SLIT2: variants seen among roughly 807,000 people sequenced by gnomAD.
SLIT2 encodes the protein slit homolog 2 protein.
In SLIT2, 41 loss-of-function variants were observed where a neutral mutation model predicts 185.7. That is an observed-to-expected ratio of 0.22 (90% CI 0.17 to 0.29). SLIT2 has a LOEUF of 0.29. Ranked by LOEUF, SLIT2 falls within the 10% of genes least tolerant of loss-of-function variation. SLIT2 has a pLI of 1.00. For synonymous variants in SLIT2, 693 were observed against 680.2 expected (o/e 1.02, Z -0.29); for missense variants, 1,571 against 1,909.0 (o/e 0.82, Z 3.30).
intron 4 of SLIT2, among the ~76,000 whole-genome samples, chr4:20,291,492 ATTTTTTTTTTTTTTTTTTT>A (rs1157453738): frequency 0.02 from 358 of 18,048 alleles, 2 homozygotes; most frequent in Middle Eastern, 0.071. Flanking sequence ...ATATATATAT[ATTTTTTTTTTTTTTTTTTT>A]TTTTTTTTTT....
intron 4 of SLIT2, among the ~76,000 whole-genome samples, chr4:20,375,607 C>A (rs898296059): frequency 6.6e-6 from 1 of 152,012 alleles, no homozygotes; most frequent in Admixed American, 6.6e-5. Context: ...TTTAATCAGT[C>A]TTGACCTTCA....
chr4:20,457,145 G>A (rs1167013755), intron 4 of SLIT2, among the ~76,000 whole-genome samples: 2 of 151,876 alleles, frequency 1.3e-5, no homozygotes, highest in Non-Finnish European at 2.9e-5. Flanking sequence ...TCATTGATGG[G>A]CATTTTAATT....
At chr4:20,539,107 T>G (rs976936539) in intron 18 of SLIT2, among the ~76,000 whole-genome samples, 1 of 152,136 alleles carries the variant, frequency 6.6e-6, no homozygotes, top group African/African-American at 2.4e-5. Flanking sequence ...CTCCGAGGAC[T>G]CAGAGAGCTG....
chr4:20,381,613 T>C (rs879581006), intron 4 of SLIT2, among the ~76,000 whole-genome samples: 9 of 152,154 alleles, frequency 5.9e-5, no homozygotes, highest in Non-Finnish European at 1.2e-4. Context: ...CAAAAATAGA[T>C]AGCATGTAGT....
chr4:20,341,124 A>C (rs1001340017), intron 4 of SLIT2, among the ~76,000 whole-genome samples: 5 of 152,176 alleles, frequency 3.3e-5, no homozygotes, highest in Non-Finnish European at 5.9e-5. Flanking sequence ...TAGTACCCCA[A>C]ATGCTGAGGA....
At chr4:20,415,150 G>A (rs1444767624) in intron 4 of SLIT2, among the ~76,000 whole-genome samples, 1 of 152,112 alleles carries the variant, frequency 6.6e-6, no homozygotes, top group Non-Finnish European at 1.5e-5. Context: ...GGTGGCCCGC[G>A]CCTGTAATCC....
intron 6 of SLIT2, 22 bp downstream of exon 6, chr4:20,480,809 G>T: frequency 6.3e-7 from 1 of 1,582,214 alleles, no homozygotes; most frequent in South Asian, 1.1e-5. Flanking sequence ...TATTTCTCTT[G>T]CTCTTTTAAC....
chr4:20,461,093 G>A (rs539212342), intron 4 of SLIT2, among the ~76,000 whole-genome samples: 5 of 152,298 alleles, frequency 3.3e-5, no homozygotes, highest in African/African-American at 1.2e-4. Flanking sequence ...TAGTTGATAG[G>A]TTATGGAGAT....
chr4:20,252,123 C>T lies in SLIT2; in HGVS notation c.-1693C>T, dbSNP rs530206803. ...CGGGAGTGCTGAGCAGAAAGGGGAG[C>T]GCCGGGGGCCCGCAGCCGGCTCCGG... On this transcript the variant is annotated 5_prime_UTR_variant, in exon 1 of 37. Coordinates refer to ENST00000504154, the MANE Select transcript of SLIT2 (RefSeq NM_004787.4). Among the ~76,000 whole-genome samples, 229 of 152,048 alleles carry T rather than the reference C, an allele frequency of 1.5e-3. 3 individuals carry two copies. Among genetic ancestry groups the T allele is most frequent in the African/African-American group, 5.3e-3 (219 of 41,436 alleles).
chr4:20,560,090 T>C (rs1274852564), intron 26 of SLIT2, among the ~76,000 whole-genome samples: 1 of 151,932 alleles, frequency 6.6e-6, no homozygotes, highest in Non-Finnish European at 1.5e-5. Context: ...TGTTTTATAA[T>C]TGAGGTTTAC....
At chr4:20,568,728 C>A (rs1474379590) in intron 28 of SLIT2, 137 bp from the exon 29 acceptor site, 3 of 723,900 alleles carry the variant, frequency 4.1e-6, no homozygotes, top group Non-Finnish European at 6.9e-6. Context: ...CAGTTAAAAG[C>A]ATTTTAAAAA....
intron 4 of SLIT2, among the ~76,000 whole-genome samples, chr4:20,384,100 T>C (rs985960342): frequency 4.0e-5 from 6 of 148,876 alleles, no homozygotes; most frequent in Non-Finnish European, 6.0e-5. Flanking sequence ...TTTTTTTTTT[T>C]TAACAAAAAA....
intron 4 of SLIT2, among the ~76,000 whole-genome samples, chr4:20,417,681 A>G (rs1019156778): frequency 6.6e-6 from 1 of 151,620 alleles, no homozygotes; most frequent in Non-Finnish European, 1.5e-5. Flanking sequence ...CACCACGCCC[A>G]GCTAATTTTT....
chr4:20,310,363 A>G (rs939820572), intron 4 of SLIT2, among the ~76,000 whole-genome samples: 7 of 152,206 alleles, frequency 4.6e-5, no homozygotes, highest in Middle Eastern at 3.4e-3. Flanking sequence ...TCTCTATGCA[A>G]TCTTCTCTTT....
chr4:20,516,745 C>A (rs549918100), intron 11 of SLIT2, among the ~76,000 whole-genome samples: 2 of 152,198 alleles, frequency 1.3e-5, no homozygotes, highest in East Asian at 3.9e-4. Context: ...TGTACCCAGC[C>A]CTAGTCCTGC....
intron 4 of SLIT2, among the ~76,000 whole-genome samples, chr4:20,453,873 G>A (rs1712754908): frequency 1.3e-5 from 2 of 152,168 alleles, no homozygotes; most frequent in African/African-American, 2.4e-5. Context: ...ACATGAAGAG[G>A]TATAGGTACG....
chr4:20,267,647 T>C (rs1713172583), intron 3 of SLIT2, among the ~76,000 whole-genome samples: 1 of 151,908 alleles, frequency 6.6e-6, no homozygotes, highest in Admixed American at 6.6e-5. Flanking sequence ...TAGAAAGGTC[T>C]TCTGTATAAT....
chr4:20,359,042 C>G (rs894176803), intron 4 of SLIT2, among the ~76,000 whole-genome samples: 1 of 152,062 alleles, frequency 6.6e-6, no homozygotes, highest in African/African-American at 2.4e-5. Flanking sequence ...CGTTTCTTGC[C>G]AAGCCCACAG....
intron 4 of SLIT2, among the ~76,000 whole-genome samples, chr4:20,358,440 G>T (rs1274712775): frequency 6.6e-6 from 1 of 152,054 alleles, no homozygotes; most frequent in Non-Finnish European, 1.5e-5. Context: ...CATCAGGCAC[G>T]CAGTCTTACT....
Sources: allele counts gnomAD v4.1 joint callset (sites outside exome capture counted in the v4.1 genomes callset), GRCh38; gene constraint gnomAD v4.1.1; transcripts MANE v1.5; gene names NCBI Gene and HGNC (gene_info 2026-07-23, HGNC 2026-07-21).